Variants in CSMD1 observed in about 807,000 individuals in gnomAD.
The protein encoded by CSMD1 is CUB and sushi domain-containing protein 1.
A neutral mutation model predicts 417.5 loss-of-function variants in CSMD1; 213 were observed. The observed-to-expected ratio is 0.51, with a 90% CI of 0.46 to 0.57. CSMD1 has a LOEUF of 0.57. CSMD1 is among the 20% of genes least tolerant of loss of function. The pLI is 0.00. For missense variants in CSMD1, 6,923 were observed against 4,529.7 expected (o/e 1.53, Z -15.17); for synonymous variants, 2,862 against 1,736.8 (o/e 1.65, Z -16.11).
intron 50 of CSMD1, among the ~76,000 whole-genome samples, chr8:3,051,779 A>G (rs1811835039): frequency 6.6e-6 from 1 of 152,214 alleles, no homozygotes; most frequent in African/African-American, 2.4e-5. Flanking sequence ...GTTTTAATAT[A>G]CCTGCAATGA....
At chr8:4,248,208 G>A (rs933685449) in intron 3 of CSMD1, among the ~76,000 whole-genome samples, 1 of 152,034 alleles carries the variant, frequency 6.6e-6, no homozygotes, top group African/African-American at 2.4e-5. Context: ...GACATGACAT[G>A]CCATTTCCAA....
intron 3 of CSMD1, among the ~76,000 whole-genome samples, chr8:4,155,011 G>C (rs186295661): frequency 6.3e-4 from 96 of 152,306 alleles, no homozygotes; most frequent in Middle Eastern, 6.8e-3. Context: ...AGTTTCTGCA[G>C]TGATAAACCT....
intron 62 of CSMD1, among the ~76,000 whole-genome samples, chr8:2,959,229 G>A (rs1046186583): frequency 6.6e-6 from 1 of 152,138 alleles, no homozygotes; most frequent in Non-Finnish European, 1.5e-5. Context: ...TCAGCCTTCT[G>A]CACAGCTGTG....
At chr8:4,534,578 C>G (rs1368679680) in intron 2 of CSMD1, among the ~76,000 whole-genome samples, 2 of 151,884 alleles carry the variant, frequency 1.3e-5, no homozygotes, top group East Asian at 1.9e-4. Flanking sequence ...TTCAACCCCT[C>G]CCCTCCTCCC....
At chr8:4,107,284 C>G (rs181895384) in intron 3 of CSMD1, among the ~76,000 whole-genome samples, 10 of 152,314 alleles carry the variant, frequency 6.6e-5, no homozygotes, top group African/African-American at 9.6e-5. Context: ...CATTTCAACA[C>G]GCTGCACTGC....
intron 1 of CSMD1, among the ~76,000 whole-genome samples, chr8:4,668,415 CATTATTATTATTATTATT>C (rs35735246): frequency 1.4e-4 from 18 of 129,994 alleles, no homozygotes; most frequent in East Asian, 6.9e-4. Context: ...TGATGTTTTC[CATTATTATTATTATTATT>C]ATTATTATTA....
intron 68 of CSMD1, among the ~76,000 whole-genome samples, chr8:2,944,135 C>G (rs1585032134): frequency 6.6e-6 from 1 of 152,062 alleles, no homozygotes; most frequent in African/African-American, 2.4e-5. Flanking sequence ...TCTGCCCCAC[C>G]ATCACGCAAA....
intron 5 of CSMD1, among the ~76,000 whole-genome samples, chr8:3,797,945 T>C (rs748106996): frequency 4.5e-4 from 68 of 152,176 alleles, no homozygotes; most frequent in South Asian, 1.5e-3. Flanking sequence ...ATTTTAGCTG[T>C]TCTCATAACT....
rs114303698 is a variant in CSMD1, at chr8:4,168,598, G to A, written c.416-136499C>T. ...TAGACGGGCTTTGCAGGGACAAAACGCTACCAACATGTGTGCAAGATGAAC... is the reference window on the plus strand; with the variant it reads ...TAGACGGGCTTTGCAGGGACAAAACACTACCAACATGTGTGCAAGATGAAC... On this transcript the variant is annotated intron_variant, in intron 3 of 69. Transcript: ENST00000635120. 8.0e-3 allele frequency among the ~76,000 whole-genome samples: 1,209 copies of A among 151,966 alleles called. 12 individuals carry two copies. Among genetic ancestry groups the A allele is most frequent in the African/African-American group, 0.027 (1,133 of 41,404 alleles).
chr8:3,331,926 T>G (rs1806923204), intron 23 of CSMD1, among the ~76,000 whole-genome samples: 1 of 152,116 alleles, frequency 6.6e-6, no homozygotes, highest in Non-Finnish European at 1.5e-5. Context: ...TGTTGACAGG[T>G]GACTGATAAT....
At chr8:3,438,597 G>A (rs1374094378) in intron 12 of CSMD1, among the ~76,000 whole-genome samples, 2 of 152,146 alleles carry the variant, frequency 1.3e-5, no homozygotes, top group Non-Finnish European at 2.9e-5. Context: ...TTTTATTGCT[G>A]AGTGGGATTT....
At chr8:3,437,594 T>C (rs879495218) in intron 12 of CSMD1, among the ~76,000 whole-genome samples, 43 of 152,310 alleles carry the variant, frequency 2.8e-4, no homozygotes, top group Admixed American at 1.8e-3. Context: ...ATGAATGTTA[T>C]TTATCCTTCA....
chr8:4,491,218 A>G (rs1466573413), intron 2 of CSMD1, among the ~76,000 whole-genome samples: 1 of 152,190 alleles, frequency 6.6e-6, no homozygotes, highest in South Asian at 2.1e-4. Flanking sequence ...AAATAAATAG[A>G]TACAACTTCA....
At chr8:3,099,172 C>T (rs1815556264) in intron 46 of CSMD1, among the ~76,000 whole-genome samples, 1 of 152,070 alleles carries the variant, frequency 6.6e-6, no homozygotes. Flanking sequence ...CTCATCAGAC[C>T]TTACTACAAT....
chr8:3,647,780 AAG>A (rs772606729), intron 7 of CSMD1, among the ~76,000 whole-genome samples: 1 of 152,138 alleles, frequency 6.6e-6, no homozygotes, highest in African/African-American at 2.4e-5. Flanking sequence ...GAGTGAGAGA[AAG>A]AGAGAGAGAT....
chr8:3,098,261 G>C (rs1312103611), intron 46 of CSMD1, among the ~76,000 whole-genome samples: 4 of 152,096 alleles, frequency 2.6e-5, no homozygotes, highest in Non-Finnish European at 2.9e-5. Flanking sequence ...TATTTATTGA[G>C]TTATCGCCTT....
chr8:2,950,086 C>A, intron 67 of CSMD1, 145 bp downstream of exon 67: 1 of 595,458 alleles, frequency 1.7e-6, no homozygotes, highest in Non-Finnish European at 3.1e-6. Context: ...AATGGCCACT[C>A]TGTCAAGAAG....
rs940241509 is a variant in CSMD1 at position 4,511,273 on chromosome 8, G to C, written c.303-91208C>G. Reference sequence around the variant, plus strand: ...ACTTGGCGGCCGATTTCCAGAAATAGTCCCAGGGCTGGGAGCACTCAGCCT... The same window carrying C: ...ACTTGGCGGCCGATTTCCAGAAATACTCCCAGGGCTGGGAGCACTCAGCCT... On this transcript the variant is annotated intron_variant, in intron 2 of 69. Coordinates refer to ENST00000635120, the MANE Select transcript of CSMD1 (RefSeq NM_033225.6). Among the ~76,000 whole-genome samples, 11 of 152,252 alleles carry C rather than the reference G, an allele frequency of 7.2e-5. No individual in the cohort carries two copies. In the South Asian group the frequency reaches 1.9e-3, roughly 26 times the overall value.
chr8:3,957,440 G>T (rs537673782), intron 5 of CSMD1, among the ~76,000 whole-genome samples: 1 of 152,172 alleles, frequency 6.6e-6, no homozygotes, highest in East Asian at 1.9e-4. Context: ...CACTTTGGGA[G>T]GCCAAAGCAG....
Sources: allele counts gnomAD v4.1 joint callset (sites outside exome capture counted in the v4.1 genomes callset), GRCh38; gene constraint gnomAD v4.1.1; transcripts MANE v1.5; gene names NCBI Gene and HGNC (gene_info 2026-07-23, HGNC 2026-07-21).